ZNF732: variants seen among roughly 807,000 people sequenced by gnomAD.
ZNF732 encodes zinc finger protein 732.
ZNF732 carries 12 observed loss-of-function variants against 11.5 expected under a neutral mutation model. The observed-to-expected ratio is 1.05, with a 90% CI of 0.67 to 1.70. The LOEUF (loss-of-function observed/expected upper bound fraction) is 1.70. Among genes scored for constraint, ZNF732 ranks in the 40% most tolerant of loss-of-function variants. The pLI, the probability that ZNF732 is intolerant of heterozygous loss-of-function variation, is 0.00. For missense variants in ZNF732, 702 were observed against 676.9 expected (o/e 1.04, Z -0.41); for synonymous variants, 231 against 236.5 (o/e 0.98, Z 0.21).
In ZNF732 at chr4:299,424, TACAC is replaced by T. The variant is rs1720043531; in HGVS notation, c.4-3273_4-3270del. Among the ~76,000 whole-genome samples, 2 of 98,096 alleles carry T rather than the reference TACAC, an allele frequency of 2.0e-5. 1 individual carries two copies. The highest frequency in any genetic ancestry group is 8.0e-5 in the African/African-American group (2 of 25,106). 64.4% of individuals were successfully genotyped at this position (98,096 alleles called of 152,430 possible). On this transcript the variant is annotated intron_variant, in intron 1 of 3. Coordinates refer to ENST00000419098, the MANE Select transcript of ZNF732 (RefSeq NM_001137608.3). ...ATGTGTATATATATATACACATATA[TACAC>T]ATATGTGTATATATATATATATACA...
intron 1 of ZNF732, among the ~76,000 whole-genome samples, chr4:303,529 T>C (rs1490141948): frequency 1.3e-5 from 2 of 152,176 alleles, no homozygotes; most frequent in Admixed American, 6.5e-5. Context: ...GGCAGGAGAA[T>C]TGTTTGAACT....
rs571746984 is a variant in ZNF732, at chr4:273,772, G to A, written c.227-1142C>T. Among the ~76,000 whole-genome samples the A allele has an allele frequency of 1.4e-4, 21 of 151,670 alleles. 1 individual carries two copies. The South Asian group carries it at 4.2e-3, about 30-fold the overall frequency. ...TTAGGAGCTGCAAAATAAAAGTGAT[G>A]TGTCATTTATAACTGTGGTCTTAAA... is the stretch of plus-strand genomic sequence containing the variant. On this transcript the variant is annotated intron_variant, in intron 3 of 3. Coordinates refer to ENST00000419098, the MANE Select transcript of ZNF732 (RefSeq NM_001137608.3).
chr4:288,910 A>G (rs1465904412), intron 3 of ZNF732, among the ~76,000 whole-genome samples: 1 of 152,212 alleles, frequency 6.6e-6, no homozygotes, highest in Non-Finnish European at 1.5e-5. Context: ...CATCCATGTT[A>G]TTGCAACAAT....
At chr4:305,276 C>T (rs1553844264) in intron 1 of ZNF732, 32 bp downstream of exon 1, 2 of 1,603,476 alleles carry the variant, frequency 1.2e-6, no homozygotes, top group Non-Finnish European at 8.5e-7. Context: ...TGAGGCCTCC[C>T]CAGCCTTGGG....
At position 287,649 on chromosome 4, in the gene ZNF732, A is replaced by T. The variant is rs558365562; in HGVS notation, c.226+7789T>A. On this transcript the variant is annotated intron_variant, in intron 3 of 3. Coordinates refer to ENST00000419098, the MANE Select transcript of ZNF732 (RefSeq NM_001137608.3). ...GATACTGTTTGAAAAATATATATAT[A>T]TATTTTTTTTTGAGATGGAGTCTCG... is the stretch of plus-strand genomic sequence containing the variant. Among the ~76,000 whole-genome samples, 369 of 150,984 alleles carry T rather than the reference A, an allele frequency of 2.4e-3. 2 individuals carry two copies. Among genetic ancestry groups the T allele is most frequent in the Middle Eastern group, 0.014 (4 of 292 alleles).
Position 279,312 on chromosome 4 carries a change from G to A in ZNF732, c.227-6682C>T, listed in dbSNP as rs542406824. Among the ~76,000 whole-genome samples, 106 of 152,100 alleles carry A rather than the reference G, an allele frequency of 7.0e-4. 1 individual carries two copies. The highest frequency in any genetic ancestry group is 1.1e-3 in the Non-Finnish European group (72 of 67,948). On this transcript the variant is annotated intron_variant, in intron 3 of 3. Coordinates refer to ENST00000419098, the MANE Select transcript of ZNF732 (RefSeq NM_001137608.3). ...ACAAAAAAAATTAGCTGGGCGTGGTGGTGGGCGCTTGTAGTCCCAGCTACT... is the reference window on the plus strand; with the variant it reads ...ACAAAAAAAATTAGCTGGGCGTGGTAGTGGGCGCTTGTAGTCCCAGCTACT...
At chr4:292,610 T>A (rs572745153) in intron 3 of ZNF732, among the ~76,000 whole-genome samples, 5 of 149,344 alleles carry the variant, frequency 3.3e-5, no homozygotes, top group Non-Finnish European at 5.9e-5. Flanking sequence ...AAGAAACTTA[T>A]ACAATTCAAA....
rs782582768 is a variant in ZNF732 at position 271,997 on chromosome 4, A to G, written c.860T>C (p.Ile287Thr). 2 of 1,608,610 alleles carry G rather than the reference A, an allele frequency of 1.2e-6. No individual in the cohort carries two copies. Among genetic ancestry groups the G allele is most frequent in the South Asian group, 2.2e-5 (2 of 90,586 alleles). ...TTTGGCAACATTTGAGGATGAGGTA[A>G]TGATTTTGCCACATTCTTCACATGT... ...PFTCEECGKI[I>T]TSSSNVAKHK... Residue 287 changes from isoleucine (I) to threonine (T), a missense_variant, in exon 4 of 4, where the codon ATT (isoleucine) becomes ACT (threonine). Around this residue, in one of 3 missense-constraint regions of ZNF732, gnomAD observed 596 missense variants for 557.9 expected, o/e 1.07. Coordinates refer to ENST00000419098, the MANE Select transcript of ZNF732 (RefSeq NM_001137608.3).
chr4:278,025 A>G (rs1267800418), intron 3 of ZNF732, among the ~76,000 whole-genome samples: 1 of 152,206 alleles, frequency 6.6e-6, no homozygotes, highest in African/African-American at 2.4e-5. Flanking sequence ...TATACACAAC[A>G]AAATACTATT....
Position 272,156 on chromosome 4 carries a change from G to C in ZNF732, c.701C>G (p.Thr234Arg). The C allele has an allele frequency of 6.2e-7, 1 of 1,612,554 alleles. No homozygotes were observed. Among genetic ancestry groups the C allele is most frequent in the African/African-American group, 1.3e-5 (1 of 74,704 alleles). The part of the protein sequence containing the change: ...TCEECGNIFT[T>R]SSNFAKHKVH... ...TTTATGTTTAGCAAAGTTTGAGGAT[G>C]TGGTAAAGATGTTGCCACATTCTTC... is the stretch of plus-strand genomic sequence containing the variant. Residue 234 changes from threonine (T) to arginine (R), a missense_variant, in exon 4 of 4, where the codon ACA (threonine) becomes AGA (arginine). Around this residue, in one of 3 missense-constraint regions of ZNF732, gnomAD observed 596 missense variants for 557.9 expected, o/e 1.07. Coordinates refer to ENST00000419098, the MANE Select transcript of ZNF732 (RefSeq NM_001137608.3).
At chr4:286,489 T>C (rs1477732939) in intron 3 of ZNF732, among the ~76,000 whole-genome samples, 1 of 152,244 alleles carries the variant, frequency 6.6e-6, no homozygotes, top group African/African-American at 2.4e-5. Flanking sequence ...AGTTTTTCTA[T>C]ATCCACAATG....
chr4:271,651 G>A lies in ZNF732; in HGVS notation c.1206C>T (p.Phe402=). Residue 402 remains phenylalanine, a synonymous_variant, in exon 4 of 4, where the codon TTC becomes TTT. Transcript: ENST00000419098. ...TTCTCTTATGTTCATTAAGGGTTGTGAACCGACTAAAGGCTTTTCCACATT... is the reference window on the plus strand; with the variant it reads ...TTCTCTTATGTTCATTAAGGGTTGTAAACCGACTAAAGGCTTTTCCACATT... ...CEECGKAFSR[F]TTLNEHKRIH... is the part of the protein sequence containing the mutation. The A allele has an allele frequency of 6.2e-7, 1 of 1,610,690 alleles. No homozygotes were observed. Among genetic ancestry groups the A allele is most frequent in the Non-Finnish European group, 8.5e-7 (1 of 1,178,322 alleles).
In ZNF732 at chr4:271,148, G is replaced by A. The variant is rs1553837185; in HGVS notation, c.1709C>T (p.Ser570Phe). 6 of 1,543,484 alleles carry A rather than the reference G, an allele frequency of 3.9e-6. No individual in the cohort carries two copies. The highest frequency in any genetic ancestry group is 2.4e-5 in the East Asian group (1 of 41,028). Residue 570 changes from serine to phenylalanine, a missense_variant, in exon 4 of 4, where the codon TCC (serine) becomes TTC (phenylalanine). Ser to Phe is a radical substitution (Grantham distance 155, BLOSUM62 -2). Coordinates refer to ENST00000419098, the MANE Select transcript of ZNF732 (RefSeq NM_001137608.3). ...CKGCGKAFKWSSYLNQHNKIY... is the reference protein window; with the variant it reads ...CKGCGKAFKWFSYLNQHNKIY... ...TTTATTATGTTGATTAAGGTATGAGGACCACTTAAAGGCTTTGCCACATCC... is the reference window on the plus strand; with the variant it reads ...TTTATTATGTTGATTAAGGTATGAGAACCACTTAAAGGCTTTGCCACATCC...
chr4:293,828 ATAGT>A (rs1336755430), intron 3 of ZNF732, among the ~76,000 whole-genome samples: 2 of 152,140 alleles, frequency 1.3e-5, no homozygotes, highest in Non-Finnish European at 2.9e-5. Context: ...AATATTAAAT[ATAGT>A]TATACTATTT....
chr4:299,454 C>T (rs201789554), intron 1 of ZNF732, among the ~76,000 whole-genome samples: 4 of 55,384 alleles, frequency 7.2e-5, no homozygotes, highest in Admixed American at 3.7e-4. Context: ...TATATATACA[C>T]ATATGTGTAT....
chr4:290,497 C>CA (rs1553841212), intron 3 of ZNF732, among the ~76,000 whole-genome samples: 4 of 152,172 alleles, frequency 2.6e-5, no homozygotes, highest in African/African-American at 9.7e-5. Context: ...ATCCTGGCCT[C>CA]AGCTGTGGTC....
chr4:289,195 C>A (rs1189868782), intron 3 of ZNF732, among the ~76,000 whole-genome samples: 1 of 152,202 alleles, frequency 6.6e-6, no homozygotes, highest in Non-Finnish European at 1.5e-5. Flanking sequence ...TGCAGAACTC[C>A]TCATTGGTTT....
At chr4:299,437 A>ATATATATATATACACATGTG (rs1560165207) in intron 1 of ZNF732, among the ~76,000 whole-genome samples, 6 of 11,914 alleles carry the variant, frequency 5.0e-4, no homozygotes, top group Non-Finnish European at 8.2e-4. Flanking sequence ...ACATATGTGT[A>ATATATATATATACACATGTG]TATATATATA....
intron 3 of ZNF732, among the ~76,000 whole-genome samples, chr4:276,838 A>G (rs1182476704): frequency 5.3e-5 from 8 of 151,770 alleles, no homozygotes; most frequent in African/African-American, 1.9e-4. Flanking sequence ...AAAGACCCCC[A>G]AATAGCAAAA....
Sources: allele counts gnomAD v4.1 joint callset (sites outside exome capture counted in the v4.1 genomes callset), GRCh38; gene constraint gnomAD v4.1.1; regional missense constraint gnomAD v4.1.1; transcripts MANE v1.5; gene names NCBI Gene and HGNC (gene_info 2026-07-23, HGNC 2026-07-21).